The following ATG10 variants were observed in gnomAD, a reference collection of about 807,000 sequenced individuals.
ATG10 encodes autophagy related 10.
In ATG10, 30 loss-of-function variants were observed where a neutral mutation model predicts 32.1. The ratio of observed to expected loss-of-function variants is 0.94; its 90% CI spans 0.70 to 1.27. The LOEUF is 1.27. Ranked by LOEUF, ATG10 falls within the 50% of genes most tolerant of loss-of-function variation. The pLI is 0.00. For synonymous variants in ATG10, 87 were observed against 91.5 expected (o/e 0.95, Z 0.28); for missense variants, 233 against 262.3 (o/e 0.89, Z 0.77).
chr5:82,001,033 A>C lies in ATG10; in HGVS notation c.108+13355A>C, dbSNP rs554860984. On this transcript the variant is annotated intron_variant, in intron 2 of 7. Transcript: ENST00000282185. ...TCAAGAATGCAGTCCCATTCACAGG[A>C]GCCACAAAAAAGAGTAAAATACCTA... Among the ~76,000 whole-genome samples the C allele has an allele frequency of 2.0e-5, 3 of 152,336 alleles. No homozygotes were observed. The East Asian group carries it at 5.8e-4, about 29-fold the overall frequency.
chr5:82,064,392 A>C (rs1763876298), intron 3 of ATG10, among the ~76,000 whole-genome samples: 1 of 152,048 alleles, frequency 6.6e-6, no homozygotes, highest in Non-Finnish European at 1.5e-5. Flanking sequence ...ATTTGTAGAT[A>C]GTTGAACAAC....
intron 3 of ATG10, among the ~76,000 whole-genome samples, chr5:82,160,517 C>A (rs140542265): frequency 6.6e-6 from 1 of 152,112 alleles, no homozygotes; most frequent in African/African-American, 2.4e-5. Flanking sequence ...GATAAATCCT[C>A]GAGTGCAGTT....
At chr5:82,068,744 A>G (rs920560766) in intron 3 of ATG10, among the ~76,000 whole-genome samples, 20 of 146,932 alleles carry the variant, frequency 1.4e-4, no homozygotes, top group African/African-American at 4.7e-4. Context: ...ATTTCAACTT[A>G]AAGTATATAT....
chr5:82,202,681 T>G (rs758718044), intron 5 of ATG10, among the ~76,000 whole-genome samples: 18 of 152,224 alleles, frequency 1.2e-4, no homozygotes, highest in Non-Finnish European at 2.2e-4. Flanking sequence ...AGCTTCCAGA[T>G]CTGCTGTTCC....
At chr5:82,237,670 G>A (rs568649678) in intron 5 of ATG10, among the ~76,000 whole-genome samples, 2 of 151,382 alleles carry the variant, frequency 1.3e-5, no homozygotes, top group African/African-American at 4.8e-5. Context: ...CTTTGCTGCC[G>A]TCTCTCTCCC....
At chr5:82,009,969 C>G (rs970672384) in intron 2 of ATG10, 16 of 1,611,624 alleles carry the variant, frequency 9.9e-6, no homozygotes, top group Non-Finnish European at 1.4e-5. Flanking sequence ...TCCTTTCTCT[C>G]CAGTGCTCAG....
chr5:82,169,906 A>C (rs945799624), intron 4 of ATG10, among the ~76,000 whole-genome samples: 1 of 152,232 alleles, frequency 6.6e-6, no homozygotes, highest in Non-Finnish European at 1.5e-5. Context: ...TGTTTGAAAT[A>C]TTTTGGGGAA....
intron 2 of ATG10, among the ~76,000 whole-genome samples, chr5:82,041,756 A>G (rs537321455): frequency 6.6e-6 from 1 of 152,060 alleles, no homozygotes; most frequent in Non-Finnish European, 1.5e-5. Flanking sequence ...ATGTTTTTTT[A>G]GGCCACTTAT....
At chr5:82,010,056 T>C (rs751315411) in intron 2 of ATG10, 39 of 1,610,804 alleles carry the variant, frequency 2.4e-5, no homozygotes, top group Non-Finnish European at 3.3e-5. Context: ...GGGCTCGCCA[T>C]CGACGGCAAT....
intron 5 of ATG10, among the ~76,000 whole-genome samples, chr5:82,180,574 G>T (rs1744192080): frequency 6.6e-6 from 1 of 152,158 alleles, no homozygotes; most frequent in South Asian, 2.1e-4. Flanking sequence ...AGCTTCTAGT[G>T]TCTTGTCAGT....
intron 5 of ATG10, among the ~76,000 whole-genome samples, chr5:82,181,790 A>T (rs548160499): frequency 2.0e-4 from 31 of 152,276 alleles, no homozygotes; most frequent in Non-Finnish European, 4.0e-4. Flanking sequence ...CTTCATCTTT[A>T]GTAATCACAC....
chr5:82,004,707 T>G (rs1761942348), intron 2 of ATG10, among the ~76,000 whole-genome samples: 1 of 152,222 alleles, frequency 6.6e-6, no homozygotes, highest in Non-Finnish European at 1.5e-5. Flanking sequence ...ACGGTGAGTC[T>G]GACGACTGCC....
chr5:81,996,468 G>C (rs1239648468), intron 2 of ATG10, among the ~76,000 whole-genome samples: 1 of 152,152 alleles, frequency 6.6e-6, no homozygotes, highest in Non-Finnish European at 1.5e-5. Flanking sequence ...TCGAACTCCT[G>C]GCCTCAAGCG....
At chr5:82,122,352 A>G (rs983932258) in intron 3 of ATG10, among the ~76,000 whole-genome samples, 4 of 152,186 alleles carry the variant, frequency 2.6e-5, no homozygotes, top group Admixed American at 6.5e-5. Context: ...CATCGTATAC[A>G]AAAATCGACT....
At chr5:82,117,582 C>CACTATTCTTGTA (rs1765858715) in intron 3 of ATG10, among the ~76,000 whole-genome samples, 1 of 152,116 alleles carries the variant, frequency 6.6e-6, no homozygotes, top group East Asian at 1.9e-4. Context: ...TCTCAAAGTA[C>CACTATTCTTGTA]ACTATTCTTG....
intron 3 of ATG10, among the ~76,000 whole-genome samples, chr5:82,068,726 A>G (rs748993626): frequency 6.8e-6 from 1 of 147,150 alleles, no homozygotes; most frequent in Admixed American, 6.8e-5. Context: ...ATATATATAT[A>G]TAATCAAATT....
Position 81,972,294 on chromosome 5 carries a change from C to G in ATG10, c.-25C>G, listed in dbSNP as rs936456257. On this transcript the variant is annotated 5_prime_UTR_variant, in exon 1 of 8. Coordinates refer to ENST00000282185, the MANE Select transcript of ATG10 (RefSeq NM_031482.5). ...CGGGCTGGGCTGCGGGGTCAGGGGC[C>G]GAGCGGAGAGGGGTGAGTATTCCCC... 1 of 152,412 alleles carries G rather than the reference C, an allele frequency of 6.6e-6. No homozygotes were observed. Among genetic ancestry groups the G allele is most frequent in the Non-Finnish European group, 1.5e-5 (1 of 68,198 alleles). 9.4% of individuals were successfully genotyped at this position (152,412 alleles called of 1,614,324 possible). A position where few individuals can be genotyped will look rare whatever the true frequency, so the allele number is the denominator to read the frequency against.
At chr5:82,137,161 C>G (rs1255618679) in intron 3 of ATG10, among the ~76,000 whole-genome samples, 1 of 152,004 alleles carries the variant, frequency 6.6e-6, no homozygotes, top group African/African-American at 2.4e-5. Context: ...AGAACATGTT[C>G]CTTTGGCTTG....
At chr5:82,111,803 C>T (rs927286726) in intron 3 of ATG10, among the ~76,000 whole-genome samples, 1 of 151,664 alleles carries the variant, frequency 6.6e-6, no homozygotes, top group South Asian at 2.1e-4. Context: ...AAAAGAAAAA[C>T]CAGAAGACAT....
Sources: gnomAD v4.1 joint callset for allele counts (sites outside exome capture counted in the v4.1 genomes callset) on GRCh38, gnomAD v4.1.1 for gene constraint, MANE v1.5 for transcripts, NCBI Gene and HGNC (gene_info 2026-07-23, HGNC 2026-07-21) for gene names.